Variants in NUP107 observed in about 807,000 individuals in gnomAD.
NUP107 encodes nuclear pore complex protein Nup107.
NUP107 carries 101 observed loss-of-function variants against 141.0 expected under a neutral mutation model. The ratio of observed to expected loss-of-function variants is 0.72; its 90% CI spans 0.61 to 0.84. NUP107 has a LOEUF of 0.84. NUP107 is among the 40% of genes least tolerant of loss of function. The pLI is 0.00. For synonymous variants in NUP107, 319 were observed against 363.9 expected, an observed-to-expected ratio of 0.88 and a Z score of 1.41; for missense variants, 941 against 1,102.7, an observed-to-expected ratio of 0.85 and a Z score of 2.08.
At chr12:68,724,325 G>A (rs1877469414) in intron 17 of NUP107, among the ~76,000 whole-genome samples, 1 of 151,876 alleles carries the variant, frequency 6.6e-6, no homozygotes, top group Admixed American at 6.6e-5. Context: ...CATAAAATAA[G>A]ACATAAATAA....
At chr12:68,695,560 A>C (rs939728009) in intron 5 of NUP107, among the ~76,000 whole-genome samples, 1 of 152,238 alleles carries the variant, frequency 6.6e-6, no homozygotes, top group African/African-American at 2.4e-5. Flanking sequence ...AGATATTTAG[A>C]ATAGTCAACA....
intron 8 of NUP107, chr12:68,705,985 A>G: frequency 1.1e-6 from 1 of 901,376 alleles, no homozygotes; most frequent in Non-Finnish European, 1.9e-6. Context: ...GCAGAACAAG[A>G]TGCTGGAGAC....
chr12:68,744,178 A>G lies in NUP107; in HGVS notation c.*1716A>G, dbSNP rs1878426989. 1 of 152,210 alleles carries G rather than the reference A, an allele frequency of 6.6e-6. No individual in the cohort carries two copies. Among genetic ancestry groups the G allele is most frequent in the Non-Finnish European group, 1.5e-5 (1 of 68,042 alleles). 9.4% of individuals were successfully genotyped at this position (152,210 alleles called of 1,614,324 possible). A position where few individuals can be genotyped will look rare whatever the true frequency, so the allele number is the denominator to read the frequency against. On this transcript the variant is annotated 3_prime_UTR_variant, in exon 28 of 28. Transcript: ENST00000229179. ...TATTGTATGCTTCCATCGTAACCGT[A>G]TGTGGGTAAATGGACAAGGTCTGTC... is the stretch of plus-strand genomic sequence containing the variant.
At chr12:68,692,184 T>C (rs1023177925) in intron 5 of NUP107, 72 bp downstream of exon 5, 2 of 1,353,084 alleles carry the variant, frequency 1.5e-6, no homozygotes, top group African/African-American at 3.0e-5. Flanking sequence ...TTTCTTCCTG[T>C]TTCTGAACGT....
At chr12:68,708,260 A>C (rs1313814410) in intron 8 of NUP107, among the ~76,000 whole-genome samples, 1 of 152,080 alleles carries the variant, frequency 6.6e-6, no homozygotes, top group Non-Finnish European at 1.5e-5. Context: ...TTATGAGGAT[A>C]TATATATTTT....
intron 8 of NUP107, chr12:68,707,167 G>C: frequency 1.9e-6 from 1 of 522,086 alleles, no homozygotes; most frequent in Non-Finnish European, 3.4e-6. Context: ...CCCACCTGAG[G>C]CTCAGCCCTA....
intron 6 of NUP107, among the ~76,000 whole-genome samples, chr12:68,698,038 A>G (rs1876153525): frequency 6.6e-6 from 1 of 152,052 alleles, no homozygotes; most frequent in Admixed American, 6.6e-5. Flanking sequence ...AAAAAAAAAA[A>G]AAAGAAAGAA....
chr12:68,697,836 C>T (rs946767543), intron 6 of NUP107, among the ~76,000 whole-genome samples: 2 of 151,878 alleles, frequency 1.3e-5, no homozygotes, highest in Non-Finnish European at 2.9e-5. Flanking sequence ...TCGAGACCAG[C>T]CTGGCCAACA....
Position 68,695,125 on chromosome 12 carries a change from A to T in NUP107, c.449-1694A>T, listed in dbSNP as rs550201660. Among the ~76,000 whole-genome samples the T allele has an allele frequency of 1.1e-4, 16 of 152,364 alleles. No individual in the cohort carries two copies. The East Asian group carries it at 2.7e-3, about 26-fold the overall frequency. On this transcript the variant is annotated intron_variant, in intron 5 of 27. Transcript: ENST00000229179. ...AACAAAAACCCAGAAAATAACAAGT[A>T]TTGACAACAATGTGGAGAAATTCAA...
chr12:68,724,062 T>C (rs1293529940), intron 17 of NUP107, among the ~76,000 whole-genome samples: 1 of 152,042 alleles, frequency 6.6e-6, no homozygotes, highest in Non-Finnish European at 1.5e-5. Context: ...AATATTAGTC[T>C]AGAAACTTAA....
At position 68,705,313 on chromosome 12, in the gene NUP107, C is replaced by T. The variant is rs139108812; in HGVS notation, c.729+2529C>T. 9.4e-3 allele frequency among the ~76,000 whole-genome samples: 1,425 copies of T among 152,152 alleles called. 12 individuals are homozygous for T. The highest frequency in any genetic ancestry group is 0.021 in the South Asian group (102 of 4,824). On this transcript the variant is annotated intron_variant, in intron 8 of 27. Coordinates refer to ENST00000229179, the MANE Select transcript of NUP107 (RefSeq NM_020401.4). The stretch of plus-strand genomic sequence containing the variant: ...TATCTACAAGTAGTGATGACTTTGA[C>T]TGTTTTTCCATACTTTTTGCTAACT...
chr12:68,706,431 C>T (rs191916328), intron 8 of NUP107: 529 of 823,748 alleles, frequency 6.4e-4, no homozygotes, highest in Non-Finnish European at 9.8e-4. Flanking sequence ...GTCAAGGCAC[C>T]GTACGAGGAG....
intron 22 of NUP107, among the ~76,000 whole-genome samples, chr12:68,732,328 G>A (rs564847840): frequency 6.6e-6 from 1 of 152,072 alleles, no homozygotes; most frequent in African/African-American, 2.4e-5. Context: ...TAGAGAAGGG[G>A]TTTTGCCATG....
At chr12:68,705,843 G>C in intron 8 of NUP107, 1 of 775,404 alleles carries the variant, frequency 1.3e-6, no homozygotes, top group Non-Finnish European at 2.4e-6. Flanking sequence ...CGGTCAACCA[G>C]AGCCTGCTGA....
chr12:68,726,764 A>G (rs1052931942), intron 19 of NUP107, 147 bp downstream of exon 19: 14 of 605,004 alleles, frequency 2.3e-5, no homozygotes, highest in African/African-American at 1.5e-4. Flanking sequence ...TAGTCACTCA[A>G]TGATAACTCA....
intron 1 of NUP107, among the ~76,000 whole-genome samples, chr12:68,688,442 A>G (rs1875610568): frequency 6.6e-6 from 1 of 152,130 alleles, no homozygotes; most frequent in African/African-American, 2.4e-5. Context: ...TTTTGCTCCA[A>G]TTTACCACAA....
At chr12:68,734,685 G>A in intron 24 of NUP107, 23 bp from the exon 25 acceptor site, 2 of 1,474,212 alleles carry the variant, frequency 1.4e-6, no homozygotes, top group South Asian at 1.4e-5. Flanking sequence ...TTTATATTTT[G>A]GTTTTTTTAT....
chr12:68,713,193 T>C (rs1039931692), intron 10 of NUP107, among the ~76,000 whole-genome samples: 39 of 151,062 alleles, frequency 2.6e-4, no homozygotes, highest in Non-Finnish European at 1.5e-4. Flanking sequence ...GGGAACACAG[T>C]GAGACCCCCA....
At chr12:68,692,908 C>A (rs1016930985) in intron 5 of NUP107, among the ~76,000 whole-genome samples, 1 of 151,632 alleles carries the variant, frequency 6.6e-6, no homozygotes, top group African/African-American at 2.4e-5. Flanking sequence ...TGCTACCACA[C>A]CCGGCTAATT....
Sources: allele counts gnomAD v4.1 joint callset (sites outside exome capture counted in the v4.1 genomes callset), GRCh38; gene constraint gnomAD v4.1.1; transcripts MANE v1.5; gene names NCBI Gene and HGNC (gene_info 2026-07-23, HGNC 2026-07-21).